GPC6: variants seen among roughly 807,000 people sequenced by gnomAD.
GPC6 encodes glypican-6.
Under a neutral mutation model 55.2 loss-of-function variants are expected in GPC6, and 14 were observed. The ratio of observed to expected loss-of-function variants is 0.25; its 90% confidence interval spans 0.17 to 0.40. The LOEUF (loss-of-function observed/expected upper bound fraction) is 0.40. GPC6 is among the 10% of genes least tolerant of loss of function. The pLI, the probability that GPC6 is intolerant of heterozygous loss-of-function variation, is 1.00. For missense variants in GPC6, 641 were observed against 708.5 expected (o/e 0.90, Z 1.08); for synonymous variants, 278 against 259.6 (o/e 1.07, Z -0.68).
chr13:93,604,071 A>G (rs1927689), intron 2 of GPC6, among the ~76,000 whole-genome samples: 1,793 of 152,312 alleles, frequency 0.012, 36 homozygotes, highest in African/African-American at 0.041. Context: ...AGAACCTCAA[A>G]TGGATTATTA....
intron 1 of GPC6, among the ~76,000 whole-genome samples, chr13:93,353,565 G>A (rs546256273): frequency 6.6e-6 from 1 of 152,332 alleles, no homozygotes; most frequent in Non-Finnish European, 1.5e-5. Context: ...CATTCAGAAG[G>A]TGTTTAAGAA....
chr13:93,391,784 A>G (rs577216492), intron 1 of GPC6, among the ~76,000 whole-genome samples: 14 of 152,256 alleles, frequency 9.2e-5, no homozygotes, highest in Non-Finnish European at 1.3e-4. Context: ...GCTACAAGAT[A>G]GCATGTTTCA....
At chr13:93,484,054 T>C (rs768324358) in intron 1 of GPC6, among the ~76,000 whole-genome samples, 5 of 152,176 alleles carry the variant, frequency 3.3e-5, no homozygotes, top group Non-Finnish European at 5.9e-5. Flanking sequence ...TGGGAAAAGA[T>C]GCACTTTTGT....
At chr13:94,337,992 C>T (rs1877808289) in intron 6 of GPC6, among the ~76,000 whole-genome samples, 1 of 152,206 alleles carries the variant, frequency 6.6e-6, no homozygotes, top group South Asian at 2.1e-4. Flanking sequence ...AGGCAATTCG[C>T]ACACGTTAAG....
chr13:94,319,537 G>A (rs115779625), intron 6 of GPC6, among the ~76,000 whole-genome samples: 1,542 of 152,220 alleles, frequency 0.01, 30 homozygotes, highest in African/African-American at 0.034. Flanking sequence ...TTCCTTTTGC[G>A]TAAAACCATC....
At chr13:93,415,572 G>A (rs1393557104) in intron 1 of GPC6, among the ~76,000 whole-genome samples, 1 of 152,058 alleles carries the variant, frequency 6.6e-6, no homozygotes, top group Non-Finnish European at 1.5e-5. Flanking sequence ...TAAATAGTAT[G>A]AATATTTTTC....
chr13:93,626,140 G>A (rs1216470981), intron 2 of GPC6, among the ~76,000 whole-genome samples: 3 of 152,148 alleles, frequency 2.0e-5, no homozygotes, highest in Non-Finnish European at 2.9e-5. Context: ...TAGCTGAATA[G>A]CATCCTGTAA....
intron 3 of GPC6, among the ~76,000 whole-genome samples, chr13:93,884,408 T>C (rs964307777): frequency 6.6e-6 from 1 of 152,102 alleles, no homozygotes; most frequent in Non-Finnish European, 1.5e-5. Context: ...TCATAGATAT[T>C]TGTTCTAGTC....
At chr13:93,523,038 CAT>C (rs1881482118) in intron 1 of GPC6, among the ~76,000 whole-genome samples, 11 of 147,874 alleles carry the variant, frequency 7.4e-5, no homozygotes, top group African/African-American at 2.9e-4. Context: ...TATACAAATA[CAT>C]ACACACACAC....
chr13:93,498,333 A>G (rs1394955658), intron 1 of GPC6, among the ~76,000 whole-genome samples: 1 of 152,204 alleles, frequency 6.6e-6, no homozygotes, highest in Non-Finnish European at 1.5e-5. Flanking sequence ...GCTTAAATAC[A>G]ACAGTCATGA....
At chr13:93,802,201 A>G (rs894633447) in intron 2 of GPC6, among the ~76,000 whole-genome samples, 1 of 152,042 alleles carries the variant, frequency 6.6e-6, no homozygotes, top group African/African-American at 2.4e-5. Flanking sequence ...CTTGTCTTTT[A>G]TCTTCTGTCA....
In GPC6 at chr13:94,371,799, A is replaced by C. The variant is rs1374116358; in HGVS notation, c.1153-10615A>C. ...CATACAGATTCAATAATGGTTGACT[A>C]TTTTGCTATTTTCAAGTAAGTAAAA... On this transcript the variant is annotated intron_variant, in intron 6 of 8. Coordinates refer to ENST00000377047, the MANE Select transcript of GPC6 (RefSeq NM_005708.5). Among the ~76,000 whole-genome samples, 4 of 152,214 alleles carry C rather than the reference A, an allele frequency of 2.6e-5. 1 individual carries two copies. Among genetic ancestry groups the C allele is most frequent in the Non-Finnish European group, 5.9e-5 (4 of 68,032 alleles).
intron 1 of GPC6, among the ~76,000 whole-genome samples, chr13:93,498,729 C>T (rs934175823): frequency 2.0e-5 from 3 of 152,106 alleles, no homozygotes; most frequent in South Asian, 2.1e-4. Context: ...TTCCCAGTTT[C>T]GGTTATGTTG....
At chr13:93,303,187 C>A (rs890783672) in intron 1 of GPC6, among the ~76,000 whole-genome samples, 1 of 152,092 alleles carries the variant, frequency 6.6e-6, no homozygotes, top group East Asian at 1.9e-4. Flanking sequence ...TTGGAGCTAC[C>A]TGATTCATGA....
rs571046523 is a variant in GPC6, at chr13:93,349,787, T to G, written c.160+122171T>G. ...AGTTTTAATTTTTCCATCCTTATAC[T>G]AATATGTTGCAAATATATTTGTGCC... On this transcript the variant is annotated intron_variant, in intron 1 of 8. Coordinates refer to ENST00000377047, the MANE Select transcript of GPC6 (RefSeq NM_005708.5). 1.3e-4 allele frequency among the ~76,000 whole-genome samples: 20 copies of G among 152,326 alleles called. No individual in the cohort carries two copies. In the East Asian group the frequency reaches 3.7e-3, roughly 28 times the overall value.
intron 2 of GPC6, among the ~76,000 whole-genome samples, chr13:93,590,603 A>T (rs577936995): frequency 3.8e-4 from 58 of 152,192 alleles, no homozygotes; most frequent in East Asian, 9.6e-4. Context: ...TAAGTTTTTT[A>T]AAAAAAGCAT....
intron 1 of GPC6, among the ~76,000 whole-genome samples, chr13:93,311,382 T>C (rs1013899530): frequency 1.3e-5 from 2 of 152,100 alleles, no homozygotes; most frequent in Non-Finnish European, 2.9e-5. Flanking sequence ...CTTCTCCCAA[T>C]CCCCCTGTGA....
intron 1 of GPC6, among the ~76,000 whole-genome samples, chr13:93,241,972 T>C (rs547359492): frequency 6.6e-6 from 1 of 152,288 alleles, no homozygotes; most frequent in South Asian, 2.1e-4. Flanking sequence ...TCTTAGGTCG[T>C]GCTTTTAGTA....
At chr13:93,652,934 G>T (rs1880482968) in intron 2 of GPC6, among the ~76,000 whole-genome samples, 1 of 152,134 alleles carries the variant, frequency 6.6e-6, no homozygotes, top group Non-Finnish European at 1.5e-5. Flanking sequence ...TTTGGGTCAG[G>T]ATAGCCTACT....
Sources: allele counts gnomAD v4.1 joint callset (sites outside exome capture counted in the v4.1 genomes callset), GRCh38; gene constraint gnomAD v4.1.1; transcripts MANE v1.5; gene names NCBI Gene and HGNC (gene_info 2026-07-23, HGNC 2026-07-21).